Variants in LRRN1 observed in about 807,000 individuals in gnomAD.
The protein encoded by LRRN1 is leucine-rich repeat neuronal protein 1.
A neutral mutation model predicts 45.8 loss-of-function variants in LRRN1; 14 were observed. The ratio of observed to expected loss-of-function variants is 0.31; its 90% CI spans 0.20 to 0.48. The LOEUF (loss-of-function observed/expected upper bound fraction) is 0.48, where lower values mean the gene tolerates loss of function less well. Among genes scored for constraint, LRRN1 ranks in the 20% least tolerant of loss-of-function variants. LRRN1 has a pLI of 0.99. For missense variants in LRRN1, 789 were observed against 874.2 expected (o/e 0.90, Z 1.23); for synonymous variants, 359 against 330.1 (o/e 1.09, Z -0.95).
intron 1 of LRRN1, among the ~76,000 whole-genome samples, chr3:3,825,173 A>T (rs897775901): frequency 2.0e-5 from 3 of 152,104 alleles, no homozygotes; most frequent in Non-Finnish European, 4.4e-5. Flanking sequence ...TGTAATTCTT[A>T]AGTCCATCCA....
At chr3:3,826,029 A>T (rs1401021956) in intron 1 of LRRN1, among the ~76,000 whole-genome samples, 6 of 152,166 alleles carry the variant, frequency 3.9e-5, no homozygotes, top group African/African-American at 1.4e-4. Context: ...TGCACAGCTA[A>T]AACATTTTGG....
intron 1 of LRRN1, among the ~76,000 whole-genome samples, chr3:3,837,468 C>G (rs1693547653): frequency 6.6e-6 from 1 of 152,130 alleles, no homozygotes. Flanking sequence ...CTGCCACCCT[C>G]TTAAAAAATG....
intron 1 of LRRN1, among the ~76,000 whole-genome samples, chr3:3,810,085 T>C (rs1657539763): frequency 6.6e-6 from 1 of 152,230 alleles, no homozygotes. Flanking sequence ...CTGATGTGCT[T>C]TGAAAGAATT....
At position 3,846,586 on chromosome 3, in the gene LRRN1, G is replaced by C; in HGVS notation, c.1945G>C (p.Ala649Pro). ...TGCCGTCATTAGCCTTGCGTCCATT[G>C]CTGTGTACTTTGCCAAAAGATTTAA... is the stretch of plus-strand genomic sequence containing the variant. ...MFAVISLASI[A>P]VYFAKRFKRK... Residue 649 changes from alanine (A) to proline (P), a missense_variant, in exon 2 of 2, where the codon GCT becomes CCT. By Grantham distance (27) the Ala-to-Pro change is conservative (BLOSUM62 -1). Transcript: ENST00000319331. The surrounding 1 kb of genome is among the most constrained non-coding windows in gnomAD (Gnocchi z 5.7). The C allele has an allele frequency of 6.2e-7, 1 of 1,614,044 alleles. No individual in the cohort carries two copies. The highest frequency in any genetic ancestry group is 8.5e-7 in the Non-Finnish European group (1 of 1,180,018).
chr3:3,830,268 C>T (rs4685686), intron 1 of LRRN1, among the ~76,000 whole-genome samples: 76,122 of 152,098 alleles, frequency 0.5, 22,403 homozygotes, highest in Non-Finnish European at 0.67. Context: ...ATCCACATAC[C>T]TCCTCCCCAA....
intron 1 of LRRN1, among the ~76,000 whole-genome samples, chr3:3,834,525 G>GATAGATATATATCTATATAT (rs1553563064): frequency 3.7e-5 from 1 of 27,310 alleles, no homozygotes; most frequent in South Asian, 1.0e-3. Flanking sequence ...GACAGAACAG[G>GATAGATATATATCTATATAT]ATATATATAT....
chr3:3,800,918 G>A (rs1033212348), intron 1 of LRRN1: 1 of 152,328 alleles, frequency 6.6e-6, no homozygotes, highest in Non-Finnish European at 1.5e-5. Context: ...TGCGTGGAGA[G>A]GGGTGTGGGC....
chr3:3,841,798 G>T (rs1020313091), intron 1 of LRRN1, among the ~76,000 whole-genome samples: 1 of 152,154 alleles, frequency 6.6e-6, no homozygotes, highest in Non-Finnish European at 1.5e-5. Flanking sequence ...GATTACAGGC[G>T]TGAGCCACCG....
intron 1 of LRRN1, among the ~76,000 whole-genome samples, chr3:3,829,791 T>G (rs1693324950): frequency 6.6e-6 from 1 of 152,216 alleles, no homozygotes; most frequent in Non-Finnish European, 1.5e-5. Context: ...AGTCCACAGA[T>G]GTTAGTCTTG....
chr3:3,845,292 G>A lies in LRRN1; in HGVS notation c.651G>A (p.Leu217=), dbSNP rs745458989. 6.2e-7 allele frequency: 1 copy of A among 1,614,104 alleles called. No individual in the cohort carries two copies. The highest frequency in any genetic ancestry group is 2.2e-5 in the East Asian group (1 of 44,878). ...LDMNFKPLAN[L]RSLVLAGMYL... ...TGAACTTCAAACCCCTCGCAAATTT[G>A]AGAAGCTTAGTTTTGGCAGGAATGT... Residue 217 remains leucine (L), a synonymous_variant, in exon 2 of 2, where the codon TTG becomes TTA. Coordinates refer to ENST00000319331, the MANE Select transcript of LRRN1 (RefSeq NM_020873.7). The surrounding 1 kb of genome is among the most constrained non-coding windows in gnomAD (Gnocchi z 6.5).
intron 1 of LRRN1, among the ~76,000 whole-genome samples, chr3:3,828,819 T>G (rs1422486163): frequency 1.3e-5 from 2 of 152,138 alleles, no homozygotes; most frequent in African/African-American, 4.8e-5. Context: ...CACAAACGTG[T>G]TTTTAACAAG....
chr3:3,810,934 T>C (rs950292500), intron 1 of LRRN1, among the ~76,000 whole-genome samples: 1 of 152,208 alleles, frequency 6.6e-6, no homozygotes, highest in Non-Finnish European at 1.5e-5. Context: ...ATAGTAATTA[T>C]TTGTGGAGAA....
Position 3,813,909 on chromosome 3 carries a change from C to T in LRRN1, c.-279+13990C>T, listed in dbSNP as rs138000813. 9.1e-4 allele frequency among the ~76,000 whole-genome samples: 139 copies of T among 152,120 alleles called. 2 individuals are homozygous for T. The East Asian group carries it at 0.024, about 26-fold the overall frequency. On this transcript the variant is annotated intron_variant, in intron 1 of 1. Coordinates refer to ENST00000319331, the MANE Select transcript of LRRN1 (RefSeq NM_020873.7). ...TTCAAATGGAAACTCACCCCACTCC[C>T]AAAATGAGCTCCTGCCATTGCTGGC...
At chr3:3,837,210 A>C (rs888335211) in intron 1 of LRRN1, among the ~76,000 whole-genome samples, 3 of 152,188 alleles carry the variant, frequency 2.0e-5, no homozygotes, top group African/African-American at 7.2e-5. Context: ...GCAAAAAGAA[A>C]AACTTGACTT....
chr3:3,799,886 C>T lies in LRRN1; in HGVS notation c.-312C>T, dbSNP rs1472888151. 6.1e-6 allele frequency: 1 copy of T among 162,882 alleles called. No individual in the cohort carries two copies. The highest frequency in any genetic ancestry group is 1.3e-5 in the Non-Finnish European group (1 of 75,334). 10.1% of individuals were successfully genotyped at this position (162,882 alleles called of 1,614,324 possible). On this transcript the variant is annotated 5_prime_UTR_variant, in exon 1 of 2. Transcript: ENST00000319331. Reference sequence around the variant, plus strand: ...CGCCGCCGTGGGTGCCGGGTCCGCGCGCACCCCAACACCCCCACCAGCTGG... The same window carrying T: ...CGCCGCCGTGGGTGCCGGGTCCGCGTGCACCCCAACACCCCCACCAGCTGG...
chr3:3,843,092 G>T (rs1693681595), intron 1 of LRRN1, among the ~76,000 whole-genome samples: 1 of 152,188 alleles, frequency 6.6e-6, no homozygotes, highest in East Asian at 1.9e-4. Context: ...AGCATATAAT[G>T]TGAGTCAGCT....
chr3:3,830,735 C>T (rs1191964232), intron 1 of LRRN1, among the ~76,000 whole-genome samples: 1 of 152,162 alleles, frequency 6.6e-6, no homozygotes, highest in African/African-American at 2.4e-5. Flanking sequence ...ATGTATATAC[C>T]ACTTCCATTT....
intron 1 of LRRN1, among the ~76,000 whole-genome samples, chr3:3,830,972 C>T (rs1466047116): frequency 6.6e-6 from 1 of 152,182 alleles, no homozygotes; most frequent in African/African-American, 2.4e-5. Flanking sequence ...CACTGTGATT[C>T]ATCTATGGGG....
At position 3,844,624 on chromosome 3, in the gene LRRN1, C is replaced by T. The variant is rs1230869407; in HGVS notation, c.-18C>T. 1 of 1,593,242 alleles carries T rather than the reference C, an allele frequency of 6.3e-7. No individual in the cohort carries two copies. The highest frequency in any genetic ancestry group is 1.7e-5 in the Admixed American group (1 of 58,278). On this transcript the variant is annotated 5_prime_UTR_variant, in exon 2 of 2. Transcript: ENST00000319331. The stretch of plus-strand genomic sequence containing the variant: ...AAACTTTGGGGTGTCAGGAGTTGAG[C>T]TTGCTCAGCAAGCCAGCATGGCTAG...
Sources: gnomAD v4.1 joint callset for allele counts (sites outside exome capture counted in the v4.1 genomes callset) on GRCh38, gnomAD v4.1.1 for gene constraint, Gnocchi (gnomAD v3.1) non-coding constraint, MANE v1.5 for transcripts, NCBI Gene and HGNC (gene_info 2026-07-23, HGNC 2026-07-21) for gene names.